NUGGC: variants seen among roughly 807,000 people sequenced by gnomAD.
NUGGC encodes the protein nuclear GTPase, germinal center associated.
A neutral mutation model predicts 92.6 loss-of-function variants in NUGGC; 58 were observed. The ratio of observed to expected loss-of-function variants is 0.63; its 90% CI spans 0.51 to 0.78. The LOEUF (loss-of-function observed/expected upper bound fraction) is 0.78, where lower values mean the gene tolerates loss of function less well. NUGGC is among the 30% of genes least tolerant of loss of function. The pLI, the probability that NUGGC is intolerant of heterozygous loss-of-function variation, is 0.00. For missense variants in NUGGC, 925 were observed against 964.6 expected (o/e 0.96, Z 0.54); for synonymous variants, 376 against 366.4 (o/e 1.03, Z -0.30).
In NUGGC at chr8:28,034,351, G is replaced by C. The variant is rs1809500211; in HGVS notation, c.1612-654C>G. 2.6e-5 allele frequency among the ~76,000 whole-genome samples: 4 copies of C among 152,314 alleles called. 1 individual carries two copies. The South Asian group carries it at 8.3e-4, about 32-fold the overall frequency. The stretch of plus-strand genomic sequence containing the variant: ...GCCAGATGGTAATCATTAGTAAAGA[G>C]AGTAAAAATGTGTTTGCTAAAATTT... On this transcript the variant is annotated intron_variant, in intron 13 of 18. Coordinates refer to ENST00000413272, the MANE Select transcript of NUGGC (RefSeq NM_001010906.2).
chr8:28,023,580 C>T (rs1175203635), intron 18 of NUGGC, 118 bp from the exon 19 acceptor site: 5 of 989,810 alleles, frequency 5.1e-6, no homozygotes, highest in African/African-American at 4.8e-5. Flanking sequence ...TGGAGTGGTG[C>T]TTACAGATCA....
chr8:28,057,212 T>C (rs1190439764), intron 9 of NUGGC, among the ~76,000 whole-genome samples: 2 of 152,222 alleles, frequency 1.3e-5, no homozygotes, highest in Non-Finnish European at 2.9e-5. Flanking sequence ...CTGCAGCTGC[T>C]GTTGCCTGTC....
At chr8:28,032,254 A>C (rs1241031017) in intron 14 of NUGGC, among the ~76,000 whole-genome samples, 1 of 152,178 alleles carries the variant, frequency 6.6e-6, no homozygotes, top group Non-Finnish European at 1.5e-5. Context: ...AGACGTGCTT[A>C]AAGAAAGGTG....
In NUGGC at chr8:28,022,143, A is replaced by ATTT. The variant is rs1231799868; in HGVS notation, c.*1171_*1173dup. 8.2e-6 allele frequency: 1 copy of ATTT among 122,528 alleles called. No homozygotes were observed. The highest frequency in any genetic ancestry group is 8.4e-5 in the Admixed American group (1 of 11,934). The allele number at this position is 122,528 out of a possible 1,614,324, so 7.6% of individuals were successfully genotyped here. On this transcript the variant is annotated 3_prime_UTR_variant, in exon 19 of 19. Coordinates refer to ENST00000413272, the MANE Select transcript of NUGGC (RefSeq NM_001010906.2). ...TGGGTGTGTGTGTGTATATATATAT[A>ATTT]TTTTTTTCTTTTTCTTTTTTTTTTT...
chr8:28,053,078 C>A (rs192054715), intron 10 of NUGGC, among the ~76,000 whole-genome samples: 3 of 151,826 alleles, frequency 2.0e-5, no homozygotes, highest in Non-Finnish European at 2.9e-5. Context: ...ACTGCCTATC[C>A]CACACCCAGC....
chr8:28,030,608 C>G (rs1400908170), intron 15 of NUGGC, among the ~76,000 whole-genome samples, 190 bp from the exon 16 acceptor site: 1 of 152,164 alleles, frequency 6.6e-6, no homozygotes, highest in Non-Finnish European at 1.5e-5. Context: ...TCTTTATACC[C>G]CAAGTGCTTC....
rs745974417 is a variant in NUGGC, at chr8:28,056,083, CAG to C, written c.1117-31_1117-30del. 95 of 1,296,908 alleles carry C rather than the reference CAG, an allele frequency of 7.3e-5. 1 individual carries two copies. In the South Asian group the frequency reaches 1.2e-3, roughly 17 times the overall value. 80.3% of individuals were successfully genotyped at this position (1,296,908 alleles called of 1,614,324 possible). On this transcript the variant is annotated intron_variant, in intron 9 of 18. Transcript: ENST00000413272. Reference sequence around the variant, plus strand: ...GGTTGTGAAAGGAAATAGAAGCATGCAGAGAGTAGCGTTATCAACAGTGATGA... The same window carrying C: ...GGTTGTGAAAGGAAATAGAAGCATGCAGAGTAGCGTTATCAACAGTGATGA...
chr8:28,032,723 G>GAAAAAA (rs61015850), intron 14 of NUGGC, among the ~76,000 whole-genome samples: 3 of 87,818 alleles, frequency 3.4e-5, no homozygotes, highest in African/African-American at 8.6e-5. Context: ...TCCATCTCAA[G>GAAAAAA]AAAAAAAAAA....
At chr8:28,082,393 A>G (rs1810872064) in intron 1 of NUGGC, among the ~76,000 whole-genome samples, 1 of 152,154 alleles carries the variant, frequency 6.6e-6, no homozygotes. Flanking sequence ...ATCTTCTCAT[A>G]TTGCTCTCCC....
At chr8:28,048,991 T>C (rs546290940) in intron 10 of NUGGC, among the ~76,000 whole-genome samples, 12 of 151,760 alleles carry the variant, frequency 7.9e-5, no homozygotes, top group Non-Finnish European at 1.6e-4. Context: ...ATTCTTTCAT[T>C]CTTCTTACTT....
chr8:28,063,499 C>T (rs183662792), intron 7 of NUGGC, among the ~76,000 whole-genome samples: 7 of 152,264 alleles, frequency 4.6e-5, no homozygotes, highest in African/African-American at 1.2e-4. Flanking sequence ...CCTGAGCCAC[C>T]GACCAAGGGG....
chr8:28,058,182 ACT>A lies in NUGGC; in HGVS notation c.1116+74_1116+75del, dbSNP rs544939991. 216 of 248,678 alleles carry A rather than the reference ACT, an allele frequency of 8.7e-4. 2 individuals are homozygous for A. The highest frequency in any genetic ancestry group is 4.8e-3 in the African/African-American group (208 of 43,506). 15.4% of individuals were successfully genotyped at this position (248,678 alleles called of 1,614,324 possible). The stretch of plus-strand genomic sequence containing the variant: ...ACTCCAGCCTGGGTGACAGAGCGAG[ACT>A]CTGTCTCAAAAAAATAAAAAATAAA... On this transcript the variant is annotated intron_variant, in intron 9 of 18. Coordinates refer to ENST00000413272, the MANE Select transcript of NUGGC (RefSeq NM_001010906.2).
In NUGGC at chr8:28,068,293, A is replaced by G; in HGVS notation, c.403T>C (p.Cys135Arg). Residue 135 changes from cysteine (C) to arginine (R), a missense_variant, in exon 5 of 19, where the codon TGT becomes CGT. Transcript: ENST00000413272. ...MFLPVSGESI[C>R]TSCIVQVSSG... ...CTCACTTGTACAATGCAGGAAGTAC[A>G]TATGCTTTCTCCAGACACTGGTAGA... 1 of 1,552,162 alleles carries G rather than the reference A, an allele frequency of 6.4e-7. No homozygotes were observed. Among genetic ancestry groups the G allele is most frequent in the South Asian group, 1.2e-5 (1 of 84,070 alleles).
At chr8:28,058,845 GGT>G (rs1810219289) in intron 8 of NUGGC, among the ~76,000 whole-genome samples, 1 of 152,080 alleles carries the variant, frequency 6.6e-6, no homozygotes, top group South Asian at 2.1e-4. Context: ...TGGGACTACA[GGT>G]GTGCATCACC....
intron 2 of NUGGC, among the ~76,000 whole-genome samples, chr8:28,072,192 G>A (rs954832486): frequency 9.2e-5 from 14 of 152,144 alleles, no homozygotes; most frequent in Admixed American, 7.9e-4. Context: ...GTTATACTTC[G>A]ACCCTTCCCT....
intron 18 of NUGGC, among the ~76,000 whole-genome samples, chr8:28,024,044 A>G (rs916016411): frequency 2.6e-5 from 4 of 152,058 alleles, no homozygotes; most frequent in Non-Finnish European, 5.9e-5. Flanking sequence ...GGCCTTTGAC[A>G]TGGAGTTTTG....
At chr8:28,023,813 C>T (rs1004405573) in intron 18 of NUGGC, among the ~76,000 whole-genome samples, 15 of 152,144 alleles carry the variant, frequency 9.9e-5, no homozygotes, top group Non-Finnish European at 1.8e-4. Context: ...TCCCTATCCT[C>T]CCAGCACAAC....
chr8:28,045,413 A>C, intron 12 of NUGGC, 114 bp downstream of exon 12: 2 of 999,298 alleles, frequency 2.0e-6, no homozygotes, highest in Admixed American at 5.9e-5. Flanking sequence ...ACTGAACTTC[A>C]TATCTTCCTT....
At position 28,057,726 on chromosome 8, in the gene NUGGC, G is replaced by A. The variant is rs564199546; in HGVS notation, c.1116+532C>T. 4.6e-5 allele frequency among the ~76,000 whole-genome samples: 7 copies of A among 152,018 alleles called. No individual in the cohort carries two copies. The South Asian group carries it at 1.0e-3, about 23-fold the overall frequency. ...TACATACACAAAATATGTATTAATC[G>A]ACTGTTTATGCTATCGGTAAGACTG... On this transcript the variant is annotated intron_variant, in intron 9 of 18. Coordinates refer to ENST00000413272, the MANE Select transcript of NUGGC (RefSeq NM_001010906.2).
Sources: gnomAD v4.1 joint callset for allele counts (sites outside exome capture counted in the v4.1 genomes callset) on GRCh38, gnomAD v4.1.1 for gene constraint, MANE v1.5 for transcripts, NCBI Gene and HGNC (gene_info 2026-07-23, HGNC 2026-07-21) for gene names.